Variants in ALKBH1 observed in about 807,000 individuals in gnomAD.
ALKBH1 encodes the protein nucleic acid dioxygenase ALKBH1.
Under a neutral mutation model 36.6 loss-of-function variants are expected in ALKBH1, and 31 were observed. That is an observed-to-expected ratio of 0.85 (90% CI 0.64 to 1.14). ALKBH1 has a LOEUF of 1.14. ALKBH1 is among the 50% of genes most tolerant of loss of function. The pLI is 0.00. For synonymous variants in ALKBH1, 183 were observed against 186.6 expected (o/e 0.98, Z 0.16); for missense variants, 490 against 497.3 (o/e 0.99, Z 0.14).
At chr14:77,705,352 A>C (rs1430110153) in intron 1 of ALKBH1, among the ~76,000 whole-genome samples, 1 of 148,192 alleles carries the variant, frequency 6.7e-6, no homozygotes, top group Non-Finnish European at 1.5e-5. Flanking sequence ...TGAAAGTTGC[A>C]GTGAGCTGAG....
At chr14:77,680,713 C>G (rs2080233192) in intron 3 of ALKBH1, among the ~76,000 whole-genome samples, 1 of 129,132 alleles carries the variant, frequency 7.7e-6, no homozygotes, top group Non-Finnish European at 1.6e-5. Flanking sequence ...GAGTTTCGCT[C>G]TTGTTGCCCA....
chr14:77,679,883 A>G lies in ALKBH1; in HGVS notation c.543T>C (p.Ser181=). ...AGAATTAAGAAAACCTGAATACCTT[A>G]CTGTCCCAGTTATAATGGTAGCCTA... is the stretch of plus-strand genomic sequence containing the variant. ...VTVGYHYNWD[S]KKYSADHYTP... The change falls in exon 4 of 6, where the codon AGT becomes AGC. Residue 181 remains serine (S), a synonymous_variant. Coordinates refer to ENST00000216489, the MANE Select transcript of ALKBH1 (RefSeq NM_006020.3). 1.2e-6 allele frequency: 2 copies of G among 1,613,478 alleles called. No homozygotes were observed. The highest frequency in any genetic ancestry group is 1.7e-6 in the Non-Finnish European group (2 of 1,179,370).
At chr14:77,707,003 A>C (rs1158480676) in intron 1 of ALKBH1, among the ~76,000 whole-genome samples, 3 of 152,196 alleles carry the variant, frequency 2.0e-5, no homozygotes, top group Non-Finnish European at 2.9e-5. Context: ...GAAAATATAA[A>C]TTGGACTACA....
chr14:77,673,364 TAAG>T lies in ALKBH1; in HGVS notation c.*445_*447del, dbSNP rs2080186666. The T allele has an allele frequency of 1.2e-5, 2 of 162,096 alleles. No homozygotes were observed. The highest frequency in any genetic ancestry group is 4.8e-5 in the African/African-American group (2 of 41,542). The allele number at this position is 162,096 out of a possible 1,614,324, so 10.0% of individuals were successfully genotyped here. On this transcript the variant is annotated 3_prime_UTR_variant, in exon 6 of 6. Coordinates refer to ENST00000216489, the MANE Select transcript of ALKBH1 (RefSeq NM_006020.3). ...AGAATTTGATGATGCCTGAGGGAGT[TAAG>T]AAGATGAGACTAATAGCTGGTTCAC...
intron 3 of ALKBH1, among the ~76,000 whole-genome samples, chr14:77,684,198 G>A (rs556308662): frequency 1.3e-5 from 2 of 152,266 alleles, no homozygotes; most frequent in African/African-American, 4.8e-5. Flanking sequence ...TATTCAGCAG[G>A]TCTAGGGTGG....
chr14:77,689,245 T>C lies in ALKBH1; in HGVS notation c.455+5493A>G, dbSNP rs574299541. On this transcript the variant is annotated intron_variant, in intron 3 of 5. Transcript: ENST00000216489. ...TTCTGGGAAGTCTTTCTCCCAGCCA[T>C]TTCCTATATCGTGCCCCCAAAGCAC... Among the ~76,000 whole-genome samples the C allele has an allele frequency of 5.3e-5, 8 of 152,318 alleles. No individual in the cohort carries two copies. In the East Asian group the frequency reaches 1.5e-3, roughly 29 times the overall value.
chr14:77,686,636 CT>C (rs959307591), intron 3 of ALKBH1, among the ~76,000 whole-genome samples: 1 of 151,970 alleles, frequency 6.6e-6, no homozygotes, highest in African/African-American at 2.4e-5. Flanking sequence ...TTGTTTTTTT[CT>C]TTTTTGAGAC....
At chr14:77,696,021 G>C (rs2080325061) in intron 2 of ALKBH1, among the ~76,000 whole-genome samples, 1 of 152,110 alleles carries the variant, frequency 6.6e-6, no homozygotes, top group Non-Finnish European at 1.5e-5. Flanking sequence ...GAACCCAGGA[G>C]GTGGAGGTTG....
intron 4 of ALKBH1, among the ~76,000 whole-genome samples, chr14:77,678,818 A>G (rs1044374467): frequency 3.3e-5 from 5 of 152,190 alleles, no homozygotes; most frequent in Non-Finnish European, 2.9e-5. Flanking sequence ...TAGAGCAGGC[A>G]AATATCTTTT....
intron 3 of ALKBH1, among the ~76,000 whole-genome samples, chr14:77,688,616 G>A (rs1024851829): frequency 1.4e-5 from 2 of 148,052 alleles, no homozygotes. Flanking sequence ...AGAGTGGTGC[G>A]ATCTTGGCTC....
chr14:77,685,938 A>G (rs2080266034), intron 3 of ALKBH1, among the ~76,000 whole-genome samples: 2 of 152,180 alleles, frequency 1.3e-5, no homozygotes, highest in South Asian at 4.1e-4. Flanking sequence ...GGGGGCAATG[A>G]CATATATATT....
intron 1 of ALKBH1, among the ~76,000 whole-genome samples, chr14:77,705,674 C>G (rs2080385419): frequency 6.6e-6 from 1 of 152,098 alleles, no homozygotes; most frequent in Non-Finnish European, 1.5e-5. Context: ...GTTAAGAGAC[C>G]CACTATGCAG....
At chr14:77,703,416 C>T (rs1353038285) in intron 2 of ALKBH1, among the ~76,000 whole-genome samples, 2 of 151,594 alleles carry the variant, frequency 1.3e-5, no homozygotes, top group Non-Finnish European at 2.9e-5. Context: ...CTCAGCCTGC[C>T]GAGTAGCTGG....
intron 3 of ALKBH1, among the ~76,000 whole-genome samples, chr14:77,687,500 C>CTACCT (rs397819486): frequency 6.6e-6 from 1 of 151,840 alleles, no homozygotes; most frequent in African/African-American, 2.4e-5. Flanking sequence ...CTTCTACCCC[C>CTACCT]TATCTTTCCT....
intron 3 of ALKBH1, among the ~76,000 whole-genome samples, chr14:77,686,633 T>C (rs542734862): frequency 1.3e-5 from 2 of 152,322 alleles, no homozygotes; most frequent in South Asian, 2.1e-4. Context: ...CAATTGTTTT[T>C]TTCTTTTTTG....
intron 2 of ALKBH1, among the ~76,000 whole-genome samples, chr14:77,703,237 C>G (rs1048491671): frequency 1.3e-5 from 2 of 152,010 alleles, no homozygotes; most frequent in African/African-American, 2.4e-5. Context: ...CCCACCTTGG[C>G]CTTCTAAAGT....
At chr14:77,675,904 G>GA in intron 4 of ALKBH1, 55 bp from the exon 5 acceptor site, 1 of 1,405,304 alleles carries the variant, frequency 7.1e-7, no homozygotes, top group Non-Finnish European at 1.0e-6. Context: ...AGGAATACAG[G>GA]AAACTATAAG....
chr14:77,706,075 T>C (rs916766830), intron 1 of ALKBH1, among the ~76,000 whole-genome samples: 8 of 144,196 alleles, frequency 5.5e-5, no homozygotes, highest in African/African-American at 1.8e-4. Context: ...AGTATATATA[T>C]TATATATACA....
rs531150711 is a variant in ALKBH1 at position 77,695,832 on chromosome 14, C to T, written c.293-932G>A. 9.2e-5 allele frequency among the ~76,000 whole-genome samples: 14 copies of T among 152,266 alleles called. No individual in the cohort carries two copies. The South Asian group carries it at 2.9e-3, about 32-fold the overall frequency. On this transcript the variant is annotated intron_variant, in intron 2 of 5. Coordinates refer to ENST00000216489, the MANE Select transcript of ALKBH1 (RefSeq NM_006020.3). The stretch of plus-strand genomic sequence containing the variant: ...ATAATAGGCCGGGCGTGGTGGCTCT[C>T]GCCTGTAATCCCAGCACTTTGGGAG...
Sources: gnomAD v4.1 joint callset for allele counts (sites outside exome capture counted in the v4.1 genomes callset) on GRCh38, gnomAD v4.1.1 for gene constraint, MANE v1.5 for transcripts, NCBI Gene and HGNC (gene_info 2026-07-23, HGNC 2026-07-21) for gene names.